Variants in AFAP1L2 observed in about 807,000 individuals in gnomAD.
AFAP1L2 encodes the protein actin filament associated protein 1 like 2.
AFAP1L2 carries 46 observed loss-of-function variants against 99.3 expected under a neutral mutation model. The ratio of observed to expected loss-of-function variants is 0.46; its 90% CI spans 0.37 to 0.59. The LOEUF is 0.59. Among genes scored for constraint, AFAP1L2 ranks in the 20% least tolerant of loss-of-function variants. AFAP1L2 has a pLI of 0.00. For synonymous variants in AFAP1L2, 397 were observed against 419.1 expected (o/e 0.95, Z 0.64); for missense variants, 959 against 1,034.9 (o/e 0.93, Z 1.01).
intron 2 of AFAP1L2, among the ~76,000 whole-genome samples, chr10:114,333,621 C>T (rs576360807): frequency 3.7e-4 from 57 of 152,172 alleles, no homozygotes; most frequent in African/African-American, 1.3e-3. Flanking sequence ...AGTTGGAGAC[C>T]AGCCTGGCCA....
intron 1 of AFAP1L2, among the ~76,000 whole-genome samples, chr10:114,401,463 C>T (rs942267602): frequency 1.3e-5 from 2 of 152,202 alleles, no homozygotes; most frequent in Non-Finnish European, 1.5e-5. Context: ...GGAACCTTCT[C>T]AAAGCACCCT....
rs1015816392 is a variant in AFAP1L2, at chr10:114,310,698, C to T, written c.793-255G>A. Among the ~76,000 whole-genome samples, 18 of 152,142 alleles carry T rather than the reference C, an allele frequency of 1.2e-4. No homozygotes were observed. The South Asian group carries it at 1.2e-3, about 11-fold the overall frequency. On this transcript the variant is annotated intron_variant, in intron 7 of 18. Transcript: ENST00000304129. ...CAGGTCCCACACGTTCATGGGCATGCGAGGGGGGGCCTTGGCAGCAAAGGC... is the reference window on the plus strand; with the variant it reads ...CAGGTCCCACACGTTCATGGGCATGTGAGGGGGGGCCTTGGCAGCAAAGGC...
At chr10:114,282,017 C>CTTTTTTTTTTTTTTTTTT in the AFAP1L2 span, among the ~76,000 whole-genome samples, 253 of 119,618 alleles carry the variant, frequency 2.1e-3, 17 homozygotes, top group African/African-American at 7.3e-3. Context: ...CTTATGTTAC[C>CTTTTTTTTTTTTTTTTTT]TTTTTTTTTT....
chr10:114,300,549 A>G lies in AFAP1L2; in HGVS notation c.1684T>C (p.Leu562=), dbSNP rs1433762713. 6 of 1,614,164 alleles carry G rather than the reference A, an allele frequency of 3.7e-6. No individual in the cohort carries two copies. In the South Asian group the frequency reaches 6.6e-5, roughly 18 times the overall value. The stretch of plus-strand genomic sequence containing the variant: ...TCAGTTGCATTGTCCAGGCAGGACA[A>G]CGTCGGGGAGGAGGCCTGGGCCTGT... ...SAQAQASSPT[L]SCLDNATEAL... The change falls in exon 14 of 19, where the codon TTG becomes CTG. Residue 562 remains leucine, a synonymous_variant. Coordinates refer to ENST00000304129, the MANE Select transcript of AFAP1L2 (RefSeq NM_001001936.3).
chr10:114,299,994 G>A (rs1174572250), intron 15 of AFAP1L2, among the ~76,000 whole-genome samples, 200 bp downstream of exon 15: 2 of 152,232 alleles, frequency 1.3e-5, no homozygotes, highest in African/African-American at 2.4e-5. Context: ...GAGGCTTTGG[G>A]ACTTGGACTG....
chr10:114,327,102 G>C (rs1298393038), intron 4 of AFAP1L2, among the ~76,000 whole-genome samples: 1 of 134,186 alleles, frequency 7.5e-6, no homozygotes, highest in Non-Finnish European at 1.6e-5. Flanking sequence ...CTATTATTTT[G>C]ATTATTATCA....
At chr10:114,291,163 G>A, downstream of AFAP1L2, 2 of 1,549,356 alleles carry the variant, frequency 1.3e-6, no homozygotes, top group Non-Finnish European at 1.7e-6. Flanking sequence ...GGCTGCTGGA[G>A]GGCTGAGAAG....
intron 1 of AFAP1L2, among the ~76,000 whole-genome samples, chr10:114,381,770 C>T (rs1786890329): frequency 6.6e-6 from 1 of 151,966 alleles, no homozygotes; most frequent in African/African-American, 2.4e-5. Flanking sequence ...GCAACTCATA[C>T]TTAAAGGGTT....
intron 4 of AFAP1L2, among the ~76,000 whole-genome samples, chr10:114,328,772 G>A (rs1371833155): frequency 6.6e-6 from 1 of 152,208 alleles, no homozygotes; most frequent in East Asian, 1.9e-4. Context: ...GGCTGCTTCA[G>A]CCTGATTCAA....
chr10:114,362,281 A>G (rs1275382821), intron 1 of AFAP1L2, among the ~76,000 whole-genome samples: 2 of 152,206 alleles, frequency 1.3e-5, no homozygotes, highest in Non-Finnish European at 2.9e-5. Flanking sequence ...GATATGTCTA[A>G]GTCCTAACCC....
intron 1 of AFAP1L2, among the ~76,000 whole-genome samples, chr10:114,370,645 C>T (rs866748298): frequency 3.3e-5 from 5 of 152,294 alleles, no homozygotes; most frequent in Middle Eastern, 6.8e-3. Flanking sequence ...AGCTGGGGCC[C>T]AGAGGATAAA....
the AFAP1L2 span, chr10:114,286,343 G>A: frequency 6.8e-6 from 11 of 1,613,322 alleles, no homozygotes; most frequent in Admixed American, 3.3e-5. Context: ...AGCGCGTCAC[G>A]CAAGGGCGCG....
chr10:114,340,456 T>C, intron 2 of AFAP1L2, 147 bp downstream of exon 2: 1 of 1,106,924 alleles, frequency 9.0e-7, no homozygotes, highest in South Asian at 1.6e-5. Flanking sequence ...GATACCTTGA[T>C]GTTAGACTTC....
intron 1 of AFAP1L2, among the ~76,000 whole-genome samples, chr10:114,374,285 G>T (rs1256147604): frequency 6.6e-6 from 1 of 152,158 alleles, no homozygotes; most frequent in Non-Finnish European, 1.5e-5. Context: ...CTGAAACTTG[G>T]TCATTCAAGC....
intron 11 of AFAP1L2, among the ~76,000 whole-genome samples, chr10:114,303,843 C>T (rs986698239): frequency 7.9e-5 from 12 of 152,196 alleles, no homozygotes; most frequent in South Asian, 2.1e-4. Context: ...CTGTCCCTCC[C>T]GCTCCAGCCT....
At chr10:114,381,746 CT>C (rs2055644995) in intron 1 of AFAP1L2, among the ~76,000 whole-genome samples, 1 of 151,960 alleles carries the variant, frequency 6.6e-6, no homozygotes, top group Non-Finnish European at 1.5e-5. Context: ...AGATAAGAAA[CT>C]GGAGAAATCT....
At chr10:114,298,875 T>G (rs2040669289) in intron 16 of AFAP1L2, among the ~76,000 whole-genome samples, 1 of 152,172 alleles carries the variant, frequency 6.6e-6, no homozygotes, top group Admixed American at 6.5e-5. Context: ...GCATGAAGGA[T>G]GACATGAGAC....
At chr10:114,320,614 C>T (rs1419921919) in intron 5 of AFAP1L2, among the ~76,000 whole-genome samples, 1 of 152,250 alleles carries the variant, frequency 6.6e-6, no homozygotes, top group Non-Finnish European at 1.5e-5. Flanking sequence ...TCCTGACCCA[C>T]TCCACACAGT....
chr10:114,372,567 T>C (rs2054255299), intron 1 of AFAP1L2, among the ~76,000 whole-genome samples: 1 of 152,094 alleles, frequency 6.6e-6, no homozygotes, highest in East Asian at 1.9e-4. Context: ...TTTCCTTCTA[T>C]TTTTATTAAG....
Sources: gnomAD v4.1 joint callset for allele counts (sites outside exome capture counted in the v4.1 genomes callset) on GRCh38, gnomAD v4.1.1 for gene constraint, MANE v1.5 for transcripts, NCBI Gene and HGNC (gene_info 2026-07-23, HGNC 2026-07-21) for gene names.